The following GLB1L3 variants were observed in gnomAD, a reference collection of about 807,000 sequenced individuals.
The protein encoded by GLB1L3 is galactosidase beta 1 like 3.
In GLB1L3, 89 loss-of-function variants were observed where a neutral mutation model predicts 89.5. That is an observed-to-expected ratio of 0.99 (90% CI 0.84 to 1.19). The LOEUF (loss-of-function observed/expected upper bound fraction) is 1.19, where lower values mean the gene tolerates loss of function less well. GLB1L3 is among the 50% of genes most tolerant of loss of function. GLB1L3 has a pLI of 0.00. For missense variants in GLB1L3, 812 were observed against 813.3 expected (o/e 1.00, Z 0.02); for synonymous variants, 314 against 312.3 (o/e 1.01, Z -0.06).
At chr11:134,310,997 T>TG in intron 12 of GLB1L3, 67 bp from the exon 13 acceptor site, 3 of 1,107,830 alleles carry the variant, frequency 2.7e-6, no homozygotes, top group Non-Finnish European at 4.1e-6. Context: ...TGGATAGGCA[T>TG]GGGGGGCTTA....
At chr11:134,288,666 G>C (rs1411414258) in intron 6 of GLB1L3, 132 bp from the exon 7 acceptor site, 4 of 599,038 alleles carry the variant, frequency 6.7e-6, no homozygotes, top group Non-Finnish European at 1.2e-5. Context: ...CTGGAGCAGA[G>C]CGTGCAGACC....
rs199737816 is a variant in GLB1L3 at position 134,277,439 on chromosome 11, C to G, written c.137C>G (p.Pro46Arg). Residue 46 changes from proline to arginine, a missense_variant, in exon 2 of 20, where the codon CCG becomes CGG. By Grantham distance (103) the Pro-to-Arg change is moderately radical (BLOSUM62 -2). Transcript: ENST00000431683. Reference sequence around the variant, plus strand: ...AACTTCATGCTTGGAAGAGCGCATCCGTCCCAGCCTAGGTTTGCTTGAGAG... The same window carrying G: ...AACTTCATGCTTGGAAGAGCGCATCGGTCCCAGCCTAGGTTTGCTTGAGAG... ...EENFMLGRAH[P>R]SQPRFNWSHL... The G allele has an allele frequency of 6.8e-6, 11 of 1,612,832 alleles. No individual in the cohort carries two copies. Among genetic ancestry groups the G allele is most frequent in the South Asian group, 2.2e-5 (2 of 90,954 alleles).
chr11:134,300,117 T>C (rs1169569158), intron 9 of GLB1L3, among the ~76,000 whole-genome samples: 1 of 152,066 alleles, frequency 6.6e-6, no homozygotes, highest in Non-Finnish European at 1.5e-5. Context: ...AAACAGCAGA[T>C]GTTTATTTTC....
At position 134,276,770 on chromosome 11, in the gene GLB1L3, G is replaced by C; in HGVS notation, c.23+7G>C. 1 of 1,443,238 alleles carries C rather than the reference G, an allele frequency of 6.9e-7. No homozygotes were observed. The highest frequency in any genetic ancestry group is 9.1e-7 in the Non-Finnish European group (1 of 1,099,004). The allele number at this position is 1,443,238 out of a possible 1,614,324, so 89.4% of individuals were successfully genotyped here. A position where few individuals can be genotyped will look rare whatever the true frequency, so the allele number is the denominator to read the frequency against. On this transcript the variant is annotated splice_region_variant and intron_variant, in intron 1 of 19. Coordinates refer to ENST00000431683, the MANE Select transcript of GLB1L3 (RefSeq NM_001080407.3). ...AGTCCCCGCCCCTCCTCAGGTGACG[G>C]ATCGCCGCTGCCGTCCCGGGCTGCC...
downstream of GLB1L3, among the ~76,000 whole-genome samples, chr11:134,320,651 A>G (rs1401606190): frequency 1.3e-5 from 2 of 152,168 alleles, no homozygotes; most frequent in African/African-American, 4.8e-5. Flanking sequence ...AATGCTATTC[A>G]GAAGATATAA....
intron 12 of GLB1L3, 148 bp from the exon 13 acceptor site, chr11:134,310,916 G>A: frequency 1.5e-6 from 1 of 676,958 alleles, no homozygotes; most frequent in Non-Finnish European, 2.6e-6. Flanking sequence ...TGCGAAGATT[G>A]AGTTACTCTT....
chr11:134,307,677 G>A (rs1026698824), intron 10 of GLB1L3, among the ~76,000 whole-genome samples: 6 of 152,182 alleles, frequency 3.9e-5, no homozygotes, highest in African/African-American at 9.7e-5. Context: ...AACATGCAGC[G>A]ATAGCCAAGA....
chr11:134,282,032 G>T lies in GLB1L3; in HGVS notation c.439G>T (p.Val147Phe). Residue 147 changes from valine (V) to phenylalanine (F), a missense_variant, in exon 5 of 20, where the codon GTC (valine) becomes TTC (phenylalanine). Around this residue, in one of 3 missense-constraint regions of GLB1L3, gnomAD observed 191 missense variants for 191.4 expected, o/e 1.00. Coordinates refer to ENST00000431683, the MANE Select transcript of GLB1L3 (RefSeq NM_001080407.3). The stretch of plus-strand genomic sequence containing the variant: ...CGATGTGGACCTCCCTAGGGCCTTC[G>T]TCCTGATGGCCGCAGAGATCGGGCT... The part of the protein sequence containing the change: ...FSGNLDLEAF[V>F]LMAAEIGLWV... 6.4e-7 allele frequency: 1 copy of T among 1,572,002 alleles called. No individual in the cohort carries two copies. The highest frequency in any genetic ancestry group is 8.7e-7 in the Non-Finnish European group (1 of 1,155,232).
At position 134,311,118 on chromosome 11, in the gene GLB1L3, T is replaced by C; in HGVS notation, c.1235T>C (p.Val412Ala). The C allele has an allele frequency of 6.2e-7, 1 of 1,613,784 alleles. No individual in the cohort carries two copies. The change falls in exon 13 of 20, where the codon GTG (valine) becomes GCG (alanine). Residue 412 changes from valine (V) to alanine (A), a missense_variant. Physicochemically the swap from Val to Ala is moderately conservative, Grantham distance 64. Coordinates refer to ENST00000431683, the MANE Select transcript of GLB1L3 (RefSeq NM_001080407.3). ...KLPPKAVYPPVRPSLYLPLWD... is the reference protein window; with the variant it reads ...KLPPKAVYPPARPSLYLPLWD... Reference sequence around the variant, plus strand: ...CCTCCCAAGGCTGTGTATCCCCCCGTGAGACCGTCGCTGTACCTCCCGCTG... The same window carrying C: ...CCTCCCAAGGCTGTGTATCCCCCCGCGAGACCGTCGCTGTACCTCCCGCTG...
chr11:134,297,876 A>AAAG (rs1555077362), intron 9 of GLB1L3, among the ~76,000 whole-genome samples: 3,696 of 110,542 alleles, frequency 0.033, 139 homozygotes, highest in Admixed American at 0.091. Context: ...AAAAAAAAAA[A>AAAG]AAAGAAAGAA....
intron 8 of GLB1L3, chr11:134,292,527 G>A (rs1941410846): frequency 1.2e-5 from 3 of 247,262 alleles, no homozygotes; most frequent in Non-Finnish European, 2.4e-5. Context: ...GCTGCGCCTG[G>A]CTTGGGATCA....
At chr11:134,308,550 TCAC>T (rs1400157023) in intron 10 of GLB1L3, among the ~76,000 whole-genome samples, 1 of 16,874 alleles carries the variant, frequency 5.9e-5, no homozygotes, top group African/African-American at 1.5e-4. Context: ...ACCATCACCA[TCAC>T]CATCACCACC....
intron 9 of GLB1L3, chr11:134,305,392 G>A (rs901737462): frequency 1.1e-5 from 5 of 438,412 alleles, no homozygotes; most frequent in South Asian, 9.7e-5. Flanking sequence ...CTCTCTCTAC[G>A]TTTTTTGAAC....
At chr11:134,302,300 C>T (rs1354466899) in intron 9 of GLB1L3, among the ~76,000 whole-genome samples, 1 of 151,444 alleles carries the variant, frequency 6.6e-6, no homozygotes, top group East Asian at 1.9e-4. Context: ...AGGATATTGG[C>T]ATGTTTTAAA....
intron 13 of GLB1L3, 100 bp from the exon 14 acceptor site, chr11:134,312,249 C>A: frequency 1.5e-6 from 2 of 1,350,270 alleles, no homozygotes; most frequent in African/African-American, 1.4e-5. Context: ...TTTGAAGAAC[C>A]CTTGGGGACC....
At chr11:134,296,880 A>C (rs917727472) in intron 9 of GLB1L3, among the ~76,000 whole-genome samples, 1 of 144,678 alleles carries the variant, frequency 6.9e-6, no homozygotes, top group Non-Finnish European at 1.5e-5. Flanking sequence ...AACAAACAAA[A>C]AAAGAAAATA....
intron 9 of GLB1L3, among the ~76,000 whole-genome samples, chr11:134,305,849 A>G (rs1195018093): frequency 6.6e-6 from 1 of 152,158 alleles, no homozygotes; most frequent in East Asian, 1.9e-4. Context: ...TAAAAATCTA[A>G]TATTTGAAAT....
At chr11:134,310,219 T>TAA (rs1005568193) in intron 11 of GLB1L3, 31 of 336,594 alleles carry the variant, frequency 9.2e-5, no homozygotes, top group South Asian at 1.9e-4. Flanking sequence ...CTGATGAGCT[T>TAA]AAAAAAAAAA....
At chr11:134,309,018 T>A (rs1358810650) in intron 10 of GLB1L3, among the ~76,000 whole-genome samples, 1 of 152,178 alleles carries the variant, frequency 6.6e-6, no homozygotes, top group Admixed American at 6.5e-5. Context: ...GAGCAACCAC[T>A]TGTGGACTAT....
Sources: gnomAD v4.1 joint callset for allele counts (sites outside exome capture counted in the v4.1 genomes callset) on GRCh38, gnomAD v4.1.1 for gene constraint, gnomAD v4.1.1 regional missense constraint, MANE v1.5 for transcripts, NCBI Gene and HGNC (gene_info 2026-07-23, HGNC 2026-07-21) for gene names.